RAB40B: variants seen among roughly 807,000 people sequenced by gnomAD.
The protein encoded by RAB40B is ras-related protein Rab-40B.
In RAB40B, 21 loss-of-function variants were observed where a neutral mutation model predicts 24.0. That is an observed-to-expected ratio of 0.88 (90% CI 0.62 to 1.26). The LOEUF is 1.26. Among genes scored for constraint, RAB40B ranks in the 50% most tolerant of loss-of-function variants. The pLI is 0.00. For missense variants in RAB40B, 348 were observed against 390.5 expected, an observed-to-expected ratio of 0.89 and a Z score of 0.92; for synonymous variants, 167 against 169.8, an observed-to-expected ratio of 0.98 and a Z score of 0.13.
intron 1 of RAB40B, among the ~76,000 whole-genome samples, chr17:82,670,908 TCA>T (rs2046323970): frequency 6.6e-6 from 1 of 152,068 alleles, no homozygotes; most frequent in African/African-American, 2.4e-5. Flanking sequence ...TCATGGATGC[TCA>T]CAGTCTGAAG....
At chr17:82,676,595 G>A (rs1370639975) in intron 1 of RAB40B, among the ~76,000 whole-genome samples, 1 of 151,996 alleles carries the variant, frequency 6.6e-6, no homozygotes, top group African/African-American at 2.4e-5. Context: ...CCGCCAGTTT[G>A]ACATCTCTGC....
chr17:82,691,744 A>G (rs1305237500), intron 1 of RAB40B, among the ~76,000 whole-genome samples: 3 of 152,190 alleles, frequency 2.0e-5, no homozygotes, highest in Non-Finnish European at 1.5e-5. Context: ...AAGGGACACA[A>G]TCTGGTGTTG....
intron 3 of RAB40B, among the ~76,000 whole-genome samples, chr17:82,660,260 CAT>C (rs1568029411): frequency 6.6e-6 from 1 of 151,772 alleles, no homozygotes; most frequent in South Asian, 2.1e-4. Flanking sequence ...CATGCATGCA[CAT>C]AAACAGGCAA....
At chr17:82,678,674 C>T (rs557134007) in intron 1 of RAB40B, among the ~76,000 whole-genome samples, 4 of 152,190 alleles carry the variant, frequency 2.6e-5, no homozygotes, top group South Asian at 2.1e-4. Flanking sequence ...GTTAAAACAC[C>T]GGAAAGCCAA....
intron 1 of RAB40B, among the ~76,000 whole-genome samples, chr17:82,689,624 T>C (rs1207589725): frequency 6.6e-5 from 10 of 152,226 alleles, no homozygotes; most frequent in Non-Finnish European, 1.3e-4. Flanking sequence ...TAGAGACATT[T>C]AATGTATTTT....
intron 1 of RAB40B, among the ~76,000 whole-genome samples, chr17:82,673,214 A>T (rs1208177704): frequency 6.6e-6 from 1 of 151,994 alleles, no homozygotes; most frequent in Non-Finnish European, 1.5e-5. Flanking sequence ...CAAAAAAAAA[A>T]TTGCCTCATG....
rs368269917 is a variant in RAB40B, at chr17:82,664,560, C to T, written c.143-4G>A. On this transcript the variant is annotated splice_polypyrimidine_tract_variant and splice_region_variant and intron_variant, in intron 1 of 5. Transcript: ENST00000571995. ...GTGGTCGTCTTGTAGTCGATGCCTG[C>T]GGAAGGGTTAGAGACGGCTTAGGCC... 144 of 1,613,444 alleles carry T rather than the reference C, an allele frequency of 8.9e-5. 1 individual carries two copies. The South Asian group carries it at 1.3e-3, about 15-fold the overall frequency.
rs530864440 is a variant in RAB40B at position 82,666,695 on chromosome 17, G to A, written c.143-2139C>T. On this transcript the variant is annotated intron_variant, in intron 1 of 5. Coordinates refer to ENST00000571995, the MANE Select transcript of RAB40B (RefSeq NM_006822.3). Reference sequence around the variant, plus strand: ...TGTCATTGAGAACATGGAAAGAGAGGGTTTGAGTTAAGGGGCTGGAGAATG... The same window carrying A: ...TGTCATTGAGAACATGGAAAGAGAGAGTTTGAGTTAAGGGGCTGGAGAATG... Among the ~76,000 whole-genome samples the A allele has an allele frequency of 2.0e-5, 3 of 152,170 alleles. No individual in the cohort carries two copies. The East Asian group carries it at 5.8e-4, about 29-fold the overall frequency.
intron 1 of RAB40B, among the ~76,000 whole-genome samples, chr17:82,683,712 G>A (rs1374248942): frequency 2.6e-5 from 4 of 151,424 alleles, no homozygotes; most frequent in African/African-American, 9.7e-5. Flanking sequence ...AAACAGGTGG[G>A]AGGATCACTT....
rs143127570 is a variant in RAB40B at position 82,680,242 on chromosome 17, C to T, written c.143-15686G>A. Among the ~76,000 whole-genome samples, 977 of 152,314 alleles carry T rather than the reference C, an allele frequency of 6.4e-3. 3 individuals are homozygous for T. The highest frequency in any genetic ancestry group is 0.01 in the Non-Finnish European group (695 of 68,006). On this transcript the variant is annotated intron_variant, in intron 1 of 5. Transcript: ENST00000571995. ...ACCCCACACTGGGGCCTGGGTCTCT[C>T]CTAGGTTCCCATACACCCAGGGGAG...
chr17:82,666,751 G>A (rs1355138947), intron 1 of RAB40B, among the ~76,000 whole-genome samples: 1 of 152,106 alleles, frequency 6.6e-6, no homozygotes, highest in Non-Finnish European at 1.5e-5. Flanking sequence ...CCTAAAACCA[G>A]GTACAATGAC....
intron 2 of RAB40B, chr17:82,661,289 G>A (rs1338496092): frequency 7.7e-7 from 1 of 1,290,682 alleles, no homozygotes; most frequent in East Asian, 3.2e-5. Flanking sequence ...AATAGTGACG[G>A]TTTTAACATA....
At chr17:82,681,120 T>C (rs2046446077) in intron 1 of RAB40B, among the ~76,000 whole-genome samples, 1 of 149,980 alleles carries the variant, frequency 6.7e-6, no homozygotes, top group African/African-American at 2.5e-5. Flanking sequence ...CTGCTTCATA[T>C]ACATTGAACA....
At position 82,663,711 on chromosome 17, in the gene RAB40B, C is replaced by T. The variant is rs1044311588; in HGVS notation, c.203+785G>A. Among the ~76,000 whole-genome samples, 6 of 152,028 alleles carry T rather than the reference C, an allele frequency of 3.9e-5. No homozygotes were observed. The highest frequency in any genetic ancestry group is 7.2e-5 in the African/African-American group (3 of 41,380). On this transcript the variant is annotated intron_variant, in intron 2 of 5. Transcript: ENST00000571995. The surrounding 1 kb of genome is among the most constrained non-coding windows in gnomAD (Gnocchi z 6.2). ...CACCAGGACGCTCCGAGCTCCCTGC[C>T]GGGTGCTCAGTGGCATCACTGAGCC... is the stretch of plus-strand genomic sequence containing the variant.
chr17:82,687,784 G>A lies in RAB40B; in HGVS notation c.142+10671C>T, dbSNP rs149524257. ...AGGGCAGGTGCCTTCAAGACTTTAC[G>A]CCCCCAGCCAGGCGCGGTGGCTCAT... On this transcript the variant is annotated intron_variant, in intron 1 of 5. Coordinates refer to ENST00000571995, the MANE Select transcript of RAB40B (RefSeq NM_006822.3). Among the ~76,000 whole-genome samples the A allele has an allele frequency of 7.6e-3, 1,156 of 152,226 alleles. 6 individuals are homozygous for A. Among genetic ancestry groups the A allele is most frequent in the Non-Finnish European group, 0.013 (890 of 68,014 alleles).
chr17:82,670,178 CTTTTTTTTTTTTT>C (rs71168131), intron 1 of RAB40B, among the ~76,000 whole-genome samples: 2 of 81,272 alleles, frequency 2.5e-5, no homozygotes, highest in Non-Finnish European at 4.6e-5. Context: ...GGCCAACAAT[CTTTTTTTTTTTTT>C]TTTTTTTTTT....
At chr17:82,687,056 G>A (rs905544094) in intron 1 of RAB40B, among the ~76,000 whole-genome samples, 1 of 152,080 alleles carries the variant, frequency 6.6e-6, no homozygotes, top group Non-Finnish European at 1.5e-5. Flanking sequence ...CAAGGGCATG[G>A]AAGACTCTTG....
At chr17:82,676,249 C>T (rs1454402987) in intron 1 of RAB40B, among the ~76,000 whole-genome samples, 1 of 132,174 alleles carries the variant, frequency 7.6e-6, no homozygotes, top group African/African-American at 3.5e-5. Context: ...GCACCCCTCA[C>T]CTTCAACAGC....
chr17:82,689,739 C>T (rs1363444010), intron 1 of RAB40B, among the ~76,000 whole-genome samples: 2 of 152,068 alleles, frequency 1.3e-5, no homozygotes, highest in Non-Finnish European at 2.9e-5. Context: ...GAGGCCAAGG[C>T]GGGTGGATCA....
Sources: gnomAD v4.1 joint callset for allele counts (sites outside exome capture counted in the v4.1 genomes callset) on GRCh38, gnomAD v4.1.1 for gene constraint, Gnocchi (gnomAD v3.1) non-coding constraint, MANE v1.5 for transcripts, NCBI Gene and HGNC (gene_info 2026-07-23, HGNC 2026-07-21) for gene names.